Variants in GALNT17 observed in about 807,000 individuals in gnomAD.
The protein encoded by GALNT17 is polypeptide N-acetylgalactosaminyltransferase 17.
In GALNT17, 29 loss-of-function variants were observed where a neutral mutation model predicts 63.7. The observed-to-expected ratio is 0.46, with a 90% CI of 0.34 to 0.62. The LOEUF (loss-of-function observed/expected upper bound fraction) is 0.62, where lower values mean the gene tolerates loss of function less well. Ranked by LOEUF, GALNT17 falls within the 20% of genes least tolerant of loss-of-function variation. The pLI, the probability that GALNT17 is intolerant of heterozygous loss-of-function variation, is 0.01. For missense variants in GALNT17, 603 were observed against 799.6 expected, an observed-to-expected ratio of 0.75 and a Z score of 2.97; for synonymous variants, 305 against 318.3, an observed-to-expected ratio of 0.96 and a Z score of 0.45.
intron 5 of GALNT17, among the ~76,000 whole-genome samples, chr7:71,552,832 A>G (rs1584044824): frequency 6.6e-6 from 1 of 152,088 alleles, no homozygotes; most frequent in South Asian, 2.1e-4. Context: ...GGGCACTGAA[A>G]CCCAACTCTC....
Position 71,434,642 on chromosome 7 carries a change from C to T in GALNT17, c.962+13537C>T, listed in dbSNP as rs12674096. On this transcript the variant is annotated intron_variant, in intron 5 of 10. Transcript: ENST00000333538. ...CTTTTGCCACCCGTGGGTTCTGTGT[C>T]CTTAGGCAGATCACTCACTTGTTGT... Among the ~76,000 whole-genome samples, 56 of 152,256 alleles carry T rather than the reference C, an allele frequency of 3.7e-4. No homozygotes were observed. In the East Asian group the frequency reaches 0.01, roughly 28 times the overall value.
At chr7:71,592,440 A>G (rs1789816160) in intron 6 of GALNT17, among the ~76,000 whole-genome samples, 1 of 151,732 alleles carries the variant, frequency 6.6e-6, no homozygotes. Context: ...GGTTGCAGTG[A>G]GCTGAGATCG....
intron 5 of GALNT17, among the ~76,000 whole-genome samples, chr7:71,496,977 C>T (rs1431996469): frequency 6.6e-6 from 1 of 151,974 alleles, no homozygotes; most frequent in Non-Finnish European, 1.5e-5. Context: ...ACTCAGGAGG[C>T]TGAGGCAGGA....
intron 5 of GALNT17, among the ~76,000 whole-genome samples, chr7:71,510,884 C>T (rs940796199): frequency 2.6e-5 from 4 of 152,026 alleles, no homozygotes; most frequent in African/African-American, 9.7e-5. Flanking sequence ...GAGGTTGGAC[C>T]AGCCGAGGCT....
chr7:71,509,591 A>G (rs2116721843), intron 5 of GALNT17, among the ~76,000 whole-genome samples: 1 of 152,378 alleles, frequency 6.6e-6, no homozygotes, highest in Non-Finnish European at 1.5e-5. Flanking sequence ...CCGTAGTCAC[A>G]TAGCTCATAA....
chr7:71,661,812 C>A (rs1790911564), intron 6 of GALNT17, among the ~76,000 whole-genome samples: 1 of 152,148 alleles, frequency 6.6e-6, no homozygotes, highest in Non-Finnish European at 1.5e-5. Flanking sequence ...TGGGTCAATG[C>A]ACACTTAGTG....
At chr7:71,565,999 AG>A (rs1284612111) in intron 5 of GALNT17, among the ~76,000 whole-genome samples, 1 of 151,676 alleles carries the variant, frequency 6.6e-6, no homozygotes, top group African/African-American at 2.4e-5. Flanking sequence ...GCGTGCTACT[AG>A]GCCTGGCTAA....
At chr7:71,638,884 A>G (rs530602071) in intron 6 of GALNT17, among the ~76,000 whole-genome samples, 15 of 152,178 alleles carry the variant, frequency 9.9e-5, no homozygotes, top group Non-Finnish European at 1.9e-4. Context: ...AAGAATTAAA[A>G]CAATTGAACA....
intron 5 of GALNT17, among the ~76,000 whole-genome samples, chr7:71,532,028 T>C (rs1031026340): frequency 1.3e-5 from 2 of 152,138 alleles, no homozygotes; most frequent in African/African-American, 2.4e-5. Flanking sequence ...AAATGCTCAG[T>C]GCATGGGGAA....
intron 1 of GALNT17, among the ~76,000 whole-genome samples, chr7:71,154,159 C>T (rs145344768): frequency 7.8e-4 from 118 of 152,110 alleles, no homozygotes; most frequent in Non-Finnish European, 1.3e-3. Flanking sequence ...TCTTTGAAGC[C>T]GTGTGCCACC....
At chr7:71,317,720 G>A (rs1269860267) in intron 1 of GALNT17, among the ~76,000 whole-genome samples, 4 of 152,132 alleles carry the variant, frequency 2.6e-5, no homozygotes, top group African/African-American at 7.2e-5. Context: ...TATTTATTCA[G>A]GGAGTTATTT....
intron 5 of GALNT17, among the ~76,000 whole-genome samples, chr7:71,545,213 T>C (rs756234007): frequency 2.0e-5 from 3 of 152,226 alleles, no homozygotes; most frequent in African/African-American, 7.2e-5. Flanking sequence ...TTGTAAGCTC[T>C]AAAGACTCTT....
chr7:71,671,238 C>T (rs897689093), intron 8 of GALNT17, among the ~76,000 whole-genome samples: 2 of 152,072 alleles, frequency 1.3e-5, no homozygotes, highest in African/African-American at 2.4e-5. Context: ...GAGATGGAAT[C>T]GGTGACACAC....
At chr7:71,212,781 A>G (rs931472625) in intron 1 of GALNT17, among the ~76,000 whole-genome samples, 4 of 152,096 alleles carry the variant, frequency 2.6e-5, no homozygotes, top group Admixed American at 6.5e-5. Flanking sequence ...TCAGACTTGC[A>G]TGGGCCCTGT....
At chr7:71,296,052 G>T (rs1791073624) in intron 1 of GALNT17, among the ~76,000 whole-genome samples, 1 of 151,924 alleles carries the variant, frequency 6.6e-6, no homozygotes, top group South Asian at 2.1e-4. Flanking sequence ...TAAGTAAGTA[G>T]TCCTCTGCCA....
At chr7:71,455,882 A>C (rs761256315) in intron 5 of GALNT17, among the ~76,000 whole-genome samples, 3 of 152,202 alleles carry the variant, frequency 2.0e-5, no homozygotes, top group Non-Finnish European at 2.9e-5. Context: ...ACCTAATGAA[A>C]GGCAGGGAAC....
At chr7:71,621,539 ATGGATT>A (rs1422930072) in intron 6 of GALNT17, among the ~76,000 whole-genome samples, 68 of 130,900 alleles carry the variant, frequency 5.2e-4, no homozygotes, top group African/African-American at 1.9e-3. Flanking sequence ...GGATGGATTG[ATGGATT>A]GATGGATAGA....
chr7:71,407,728 A>G (rs1028680148), intron 3 of GALNT17, among the ~76,000 whole-genome samples: 1 of 152,200 alleles, frequency 6.6e-6, no homozygotes, highest in Non-Finnish European at 1.5e-5. Flanking sequence ...AGCCTGGGTA[A>G]CAGAATGAGA....
chr7:71,309,422 C>G (rs1179768952), intron 1 of GALNT17, among the ~76,000 whole-genome samples: 1 of 152,086 alleles, frequency 6.6e-6, no homozygotes, highest in Middle Eastern at 3.2e-3. Flanking sequence ...TTCCACCCCT[C>G]TGAGACCACA....
Sources: gnomAD v4.1 joint callset for allele counts (sites outside exome capture counted in the v4.1 genomes callset) on GRCh38, gnomAD v4.1.1 for gene constraint, MANE v1.5 for transcripts, NCBI Gene and HGNC (gene_info 2026-07-23, HGNC 2026-07-21) for gene names.